The following RHOBTB1 variants were observed in gnomAD, a reference collection of about 807,000 sequenced individuals.
RHOBTB1 encodes the protein Rho related BTB domain containing 1, also known as rho-related BTB domain-containing protein 1.
A neutral mutation model predicts 71.6 loss-of-function variants in RHOBTB1; 40 were observed. The observed-to-expected ratio is 0.56, with a 90% CI of 0.43 to 0.73. The LOEUF is 0.73. RHOBTB1 is among the 30% of genes least tolerant of loss of function. The pLI is 0.00. For missense variants in RHOBTB1, 797 were observed against 894.0 expected, an observed-to-expected ratio of 0.89 and a Z score of 1.38; for synonymous variants, 319 against 334.9, an observed-to-expected ratio of 0.95 and a Z score of 0.52.
At chr10:60,964,619 A>C (rs1482616288) in intron 2 of RHOBTB1, among the ~76,000 whole-genome samples, 1 of 152,104 alleles carries the variant, frequency 6.6e-6, no homozygotes, top group Non-Finnish European at 1.5e-5. Context: ...GTTCTATTAG[A>C]AAACAGCTGC....
At chr10:60,867,413 A>G (rs1484880352), downstream of RHOBTB1, among the ~76,000 whole-genome samples, 4 of 152,140 alleles carry the variant, frequency 2.6e-5, no homozygotes, top group East Asian at 7.7e-4. Context: ...GAACTTAAAT[A>G]CTCCTTCGAA....
intron 2 of RHOBTB1, among the ~76,000 whole-genome samples, chr10:60,925,514 T>C (rs937214803): frequency 1.3e-5 from 2 of 151,904 alleles, no homozygotes; most frequent in Non-Finnish European, 2.9e-5. Flanking sequence ...TTATAATATA[T>C]CGTAAAGAAC....
intron 1 of RHOBTB1, among the ~76,000 whole-genome samples, chr10:60,990,336 T>C (rs1191673663): frequency 1.3e-5 from 2 of 152,136 alleles, no homozygotes; most frequent in African/African-American, 4.8e-5. Flanking sequence ...CTCTTTCTAG[T>C]GGACACCAAT....
At chr10:60,886,724 G>C (rs375965857) in intron 6 of RHOBTB1, among the ~76,000 whole-genome samples, 3 of 141,420 alleles carry the variant, frequency 2.1e-5, no homozygotes, top group Non-Finnish European at 3.1e-5. Flanking sequence ...ATGTGGGGGG[G>C]GGTGGGTCTG....
At chr10:60,865,335 C>T (rs566531062), downstream of RHOBTB1, among the ~76,000 whole-genome samples, 34 of 152,266 alleles carry the variant, frequency 2.2e-4, no homozygotes, top group African/African-American at 7.5e-4. Flanking sequence ...GGAATTTTTC[C>T]TCCTGCTTTA....
rs376150249 is a variant in RHOBTB1, at chr10:60,970,788, T to C, written c.-62+15057A>G. ...AAATAGGGCTTTTACAGTGCAAGAT[T>C]AATGCTATGGTTTTCTATGTTCATT... On this transcript the variant is annotated intron_variant, in intron 2 of 11. Transcript: ENST00000357917. 3.3e-3 allele frequency among the ~76,000 whole-genome samples: 508 copies of C among 152,182 alleles called. 3 individuals carry two copies. The highest frequency in any genetic ancestry group is 5.6e-3 in the Non-Finnish European group (383 of 67,970).
At chr10:60,924,754 C>T (rs1295071950) in intron 2 of RHOBTB1, among the ~76,000 whole-genome samples, 1 of 152,108 alleles carries the variant, frequency 6.6e-6, no homozygotes, top group Admixed American at 6.5e-5. Context: ...GGCCACAAAA[C>T]AAGTCTCAAA....
chr10:60,907,359 A>G (rs1278367930), intron 4 of RHOBTB1, among the ~76,000 whole-genome samples: 1 of 152,228 alleles, frequency 6.6e-6, no homozygotes, highest in Non-Finnish European at 1.5e-5. Flanking sequence ...TCTTGAGTTG[A>G]GCGACATCCC....
chr10:60,908,955 C>T (rs995799178), intron 4 of RHOBTB1, among the ~76,000 whole-genome samples: 1 of 152,170 alleles, frequency 6.6e-6, no homozygotes, highest in African/African-American at 2.4e-5. Flanking sequence ...TGGGGGAGCA[C>T]TTCCTGTTTC....
intron 2 of RHOBTB1, among the ~76,000 whole-genome samples, chr10:60,983,591 T>A (rs1357263253): frequency 6.6e-6 from 1 of 152,220 alleles, no homozygotes; most frequent in African/African-American, 2.4e-5. Context: ...CTGGAATTTT[T>A]GAATCTAAAT....
At chr10:60,978,744 CTTCT>C (rs2134769231) in intron 2 of RHOBTB1, among the ~76,000 whole-genome samples, 1 of 152,236 alleles carries the variant, frequency 6.6e-6, no homozygotes, top group Non-Finnish European at 1.5e-5. Flanking sequence ...TCTTCTACTT[CTTCT>C]TTTTCTTTTT....
chr10:60,876,699 T>A (rs1417210433), intron 8 of RHOBTB1, among the ~76,000 whole-genome samples: 1 of 152,204 alleles, frequency 6.6e-6, no homozygotes, highest in Admixed American at 6.5e-5. Context: ...TTAAGTATAT[T>A]GGTTAAAAAC....
intron 7 of RHOBTB1, among the ~76,000 whole-genome samples, chr10:60,884,897 A>G (rs1459289154): frequency 6.6e-6 from 1 of 152,106 alleles, no homozygotes; most frequent in Non-Finnish European, 1.5e-5. Flanking sequence ...GATGGGAGGA[A>G]TAAATTCTAG....
intron 7 of RHOBTB1, among the ~76,000 whole-genome samples, chr10:60,879,128 T>C (rs1168048346): frequency 6.6e-6 from 1 of 152,200 alleles, no homozygotes; most frequent in Non-Finnish European, 1.5e-5. Flanking sequence ...TTAAATCTTG[T>C]GTCCAAGGTC....
upstream of RHOBTB1, among the ~76,000 whole-genome samples, chr10:60,945,029 C>A (rs2085165543): frequency 6.6e-6 from 1 of 151,980 alleles, no homozygotes; most frequent in Non-Finnish European, 1.5e-5. Flanking sequence ...CCAGGCTGAC[C>A]GTGAGTTCTG....
intron 9 of RHOBTB1, 100 bp downstream of exon 9, chr10:60,874,854 T>C (rs2080966662): frequency 1.2e-6 from 1 of 835,688 alleles, no homozygotes; most frequent in African/African-American, 1.7e-5. Flanking sequence ...GACTCAGTGG[T>C]GACATCTTCA....
chr10:60,915,195 C>T (rs1029135129), intron 2 of RHOBTB1, among the ~76,000 whole-genome samples: 128 of 152,110 alleles, frequency 8.4e-4, no homozygotes, highest in African/African-American at 2.7e-3. Context: ...TAAAAATATG[C>T]AATTTTATCC....
chr10:60,864,218 C>G, the RHOBTB1 span, among the ~76,000 whole-genome samples: 32 of 152,156 alleles, frequency 2.1e-4, no homozygotes, highest in African/African-American at 7.2e-4. Flanking sequence ...ACCTCAGGCT[C>G]TGTTTCTGGG....
chr10:60,961,875 C>A (rs1254884522), intron 2 of RHOBTB1, among the ~76,000 whole-genome samples: 1 of 144,868 alleles, frequency 6.9e-6, no homozygotes, highest in African/African-American at 2.6e-5. Flanking sequence ...ATGGGATGAT[C>A]TTGGCTCACT....
Sources: allele counts gnomAD v4.1 joint callset (sites outside exome capture counted in the v4.1 genomes callset), GRCh38; gene constraint gnomAD v4.1.1; transcripts MANE v1.5; gene names NCBI Gene and HGNC (gene_info 2026-07-23, HGNC 2026-07-21).